CUX2: variants seen among roughly 807,000 people sequenced by gnomAD.
The protein encoded by CUX2 is cut like homeobox 2, also known as homeobox protein cut-like 2.
A neutral mutation model predicts 144.8 loss-of-function variants in CUX2; 40 were observed. The ratio of observed to expected loss-of-function variants is 0.28; its 90% CI spans 0.21 to 0.36. The LOEUF is 0.36. Ranked by LOEUF, CUX2 falls within the 10% of genes least tolerant of loss-of-function variation. CUX2 has a pLI of 1.00. For synonymous variants in CUX2, 827 were observed against 875.6 expected, an observed-to-expected ratio of 0.94 and a Z score of 0.98; for missense variants, 1,615 against 1,994.0, an observed-to-expected ratio of 0.81 and a Z score of 3.62.
chr12:111,036,240 C>T (rs1592839023), intron 1 of CUX2, among the ~76,000 whole-genome samples: 3 of 152,134 alleles, frequency 2.0e-5, no homozygotes, highest in East Asian at 1.9e-4. Flanking sequence ...TATTTGCTCC[C>T]GGTCGGCCGG....
intron 1 of CUX2, among the ~76,000 whole-genome samples, chr12:111,191,150 G>A (rs1489598747): frequency 6.6e-6 from 1 of 152,116 alleles, no homozygotes; most frequent in Non-Finnish European, 1.5e-5. Flanking sequence ...CTGAGCCTCA[G>A]TTTTCCCATG....
At chr12:111,164,589 A>G (rs1440944998) in intron 1 of CUX2, among the ~76,000 whole-genome samples, 2 of 150,940 alleles carry the variant, frequency 1.3e-5, no homozygotes, top group Non-Finnish European at 2.9e-5. Flanking sequence ...AAAATAAAAA[A>G]GAAAAAAAAA....
At chr12:111,236,640 G>A (rs991288197) in intron 3 of CUX2, among the ~76,000 whole-genome samples, 1 of 152,196 alleles carries the variant, frequency 6.6e-6, no homozygotes, top group Non-Finnish European at 1.5e-5. Context: ...GCTGAGGCCT[G>A]ATTGGCACTG....
intron 19 of CUX2, among the ~76,000 whole-genome samples, chr12:111,336,940 C>T (rs924759203): frequency 1.3e-5 from 2 of 151,680 alleles, no homozygotes; most frequent in Non-Finnish European, 2.9e-5. Context: ...TTTGGGAGGC[C>T]GAGGCGGGAG....
At chr12:111,219,316 A>G (rs1284924903) in intron 3 of CUX2, among the ~76,000 whole-genome samples, 1 of 152,106 alleles carries the variant, frequency 6.6e-6, no homozygotes, top group Non-Finnish European at 1.5e-5. Flanking sequence ...GGCTTGGAAG[A>G]AAAAAACTAG....
In CUX2 at chr12:111,310,311, C is replaced by A. The variant is rs1403158831; in HGVS notation, c.1529C>A (p.Ala510Asp). ...GGCGGCCTGCTGGTGTTCCCCCCAG[C>A]CTTCTATGGCGCCAAGCCCCCCACA... ...EAGGLLVFPPAFYGAKPPTAP... is the reference protein window; with the variant it reads ...EAGGLLVFPPDFYGAKPPTAP... Residue 510 changes from alanine to aspartate, a missense_variant, in exon 15 of 22, where the codon GCC becomes GAC. Coordinates refer to ENST00000261726, the MANE Select transcript of CUX2 (RefSeq NM_015267.4). This position sits in a 1 kb window ranked among gnomAD's most constrained non-coding sequence, Gnocchi z 7.9. 6.7e-7 allele frequency: 1 copy of A among 1,503,586 alleles called. No individual in the cohort carries two copies. Among genetic ancestry groups the A allele is most frequent in the Non-Finnish European group, 8.9e-7 (1 of 1,122,208 alleles). 93.1% of individuals were successfully genotyped at this position (1,503,586 alleles called of 1,614,324 possible). A position where few individuals can be genotyped will look rare whatever the true frequency, so the allele number is the denominator to read the frequency against.
chr12:111,167,674 GTTT>G (rs1878234054), intron 1 of CUX2, among the ~76,000 whole-genome samples: 3 of 125,556 alleles, frequency 2.4e-5, no homozygotes, highest in Admixed American at 1.6e-4. Flanking sequence ...CCCTGGGTTT[GTTT>G]GTTTGTTTGT....
rs1006494138 is a variant in CUX2 at position 111,035,638 on chromosome 12, G to A, written c.63+1398G>A. The stretch of plus-strand genomic sequence containing the variant: ...CTTTTTTTTTTTTTTTTAATCCGCC[G>A]GCAAATCTCGTTAAGTTTCTTCTGA... On this transcript the variant is annotated intron_variant, in intron 1 of 21. Coordinates refer to ENST00000261726, the MANE Select transcript of CUX2 (RefSeq NM_015267.4). This position sits in a 1 kb window ranked among gnomAD's most constrained non-coding sequence, Gnocchi z 6.0. 2.2e-4 allele frequency among the ~76,000 whole-genome samples: 31 copies of A among 139,772 alleles called. No homozygotes were observed. Among genetic ancestry groups the A allele is most frequent in the African/African-American group, 8.6e-4 (29 of 33,834 alleles). 91.7% of individuals were successfully genotyped at this position (139,772 alleles called of 152,430 possible).
chr12:111,039,205 T>A lies in CUX2; in HGVS notation c.63+4965T>A, dbSNP rs1869616121. 6.6e-6 allele frequency among the ~76,000 whole-genome samples: 1 copy of A among 152,072 alleles called. No homozygotes were observed. Among genetic ancestry groups the A allele is most frequent in the African/African-American group, 2.4e-5 (1 of 41,402 alleles). On this transcript the variant is annotated intron_variant, in intron 1 of 21. Transcript: ENST00000261726. The surrounding 1 kb of genome is among the most constrained non-coding windows in gnomAD (Gnocchi z 4.2). The stretch of plus-strand genomic sequence containing the variant: ...ATTCAAAGGCCGGGCCTGGCAGAGG[T>A]GAAGCATTGGAAGGGGACTCAGGTG...
intron 1 of CUX2, among the ~76,000 whole-genome samples, chr12:111,118,240 A>G (rs1181024366): frequency 6.6e-6 from 1 of 152,206 alleles, no homozygotes; most frequent in Non-Finnish European, 1.5e-5. Context: ...GTGTAATTAT[A>G]TTTCAAACCA....
At chr12:111,282,165 C>A (rs1457920431) in intron 4 of CUX2, among the ~76,000 whole-genome samples, 1 of 151,636 alleles carries the variant, frequency 6.6e-6, no homozygotes, top group Non-Finnish European at 1.5e-5. Flanking sequence ...ACTAAAAATA[C>A]AAAAAAATTA....
intron 1 of CUX2, among the ~76,000 whole-genome samples, chr12:111,074,768 C>T (rs769683302): frequency 2.6e-5 from 4 of 152,008 alleles, no homozygotes; most frequent in South Asian, 2.1e-4. Flanking sequence ...CAGCAGACGG[C>T]GGCAGGGCCC....
In CUX2 at chr12:111,277,419, T is replaced by C. The variant is rs765521560; in HGVS notation, c.301+13580T>C. Among the ~76,000 whole-genome samples the C allele has an allele frequency of 6.6e-6, 1 of 152,104 alleles. No homozygotes were observed. The highest frequency in any genetic ancestry group is 2.4e-5 in the African/African-American group (1 of 41,430). ...CTTATCTGATGCAAGCCGTTTCTCC[T>C]GGTATTTCCTGTGTCTAGTATACTC... On this transcript the variant is annotated intron_variant, in intron 4 of 21. Transcript: ENST00000261726. This position sits in a 1 kb window ranked among gnomAD's most constrained non-coding sequence, Gnocchi z 5.0.
chr12:111,086,307 C>G (rs2136048528), intron 1 of CUX2, among the ~76,000 whole-genome samples: 1 of 152,302 alleles, frequency 6.6e-6, no homozygotes, highest in East Asian at 1.9e-4. Context: ...GTACTTAGTT[C>G]ACAGGCAACT....
In CUX2 at chr12:111,310,004, C is replaced by CTGT; in HGVS notation, c.1259-37_1259-36insTGT. 1 of 1,275,806 alleles carries CTGT rather than the reference C, an allele frequency of 7.8e-7. No homozygotes were observed. The highest frequency in any genetic ancestry group is 9.9e-7 in the Non-Finnish European group (1 of 1,012,470). 79.0% of individuals were successfully genotyped at this position (1,275,806 alleles called of 1,614,324 possible). ...CTCTCTCCCCTCATCATCGTCTTCC[C>CTGT]CGTCTGTCTGTCTGTCTGTCTGTCT... is the stretch of plus-strand genomic sequence containing the variant. On this transcript the variant is annotated intron_variant, in intron 14 of 21. Transcript: ENST00000261726. This position sits in a 1 kb window ranked among gnomAD's most constrained non-coding sequence, Gnocchi z 7.9.
intron 2 of CUX2, among the ~76,000 whole-genome samples, chr12:111,217,343 C>T (rs1277868694): frequency 6.6e-6 from 1 of 152,204 alleles, no homozygotes; most frequent in African/African-American, 2.4e-5. Flanking sequence ...ACACAAGTGG[C>T]ATTGCTAAAA....
intron 18 of CUX2, among the ~76,000 whole-genome samples, chr12:111,331,318 A>G (rs907029663): frequency 1.1e-4 from 16 of 152,142 alleles, no homozygotes; most frequent in African/African-American, 3.1e-4. Context: ...CTTTTCTTCC[A>G]GCTGTCATAC....
chr12:111,090,041 C>T (rs1206339338), intron 1 of CUX2, among the ~76,000 whole-genome samples: 1 of 152,106 alleles, frequency 6.6e-6, no homozygotes, highest in African/African-American at 2.4e-5. Flanking sequence ...CAGAGGTGAG[C>T]TCCAAGTGGA....
chr12:111,071,110 A>C (rs1216507482), intron 1 of CUX2, among the ~76,000 whole-genome samples: 2 of 149,696 alleles, frequency 1.3e-5, no homozygotes, highest in Admixed American at 6.6e-5. Flanking sequence ...TGTGGACATA[A>C]GTTTTCACCT....
Sources: allele counts gnomAD v4.1 joint callset (sites outside exome capture counted in the v4.1 genomes callset), GRCh38; gene constraint gnomAD v4.1.1; non-coding constraint Gnocchi (gnomAD v3.1); transcripts MANE v1.5; gene names NCBI Gene and HGNC (gene_info 2026-07-23, HGNC 2026-07-21).